Variants in ARHGEF10L observed in about 807,000 individuals in gnomAD.
The protein encoded by ARHGEF10L is Rho guanine nucleotide exchange factor 10 like, also known as rho guanine nucleotide exchange factor 10-like protein.
A neutral mutation model predicts 141.2 loss-of-function variants in ARHGEF10L; 69 were observed. The ratio of observed to expected loss-of-function variants is 0.49; its 90% CI spans 0.40 to 0.60. The LOEUF is 0.60. Ranked by LOEUF, ARHGEF10L falls within the 20% of genes least tolerant of loss-of-function variation. The pLI, the probability that ARHGEF10L is intolerant of heterozygous loss-of-function variation, is 0.00. For missense variants in ARHGEF10L, 1,482 were observed against 1,734.3 expected (o/e 0.85, Z 2.58); for synonymous variants, 711 against 718.5 (o/e 0.99, Z 0.17).
chr1:17,686,198 C>T (rs2064580031), intron 26 of ARHGEF10L, among the ~76,000 whole-genome samples: 1 of 151,518 alleles, frequency 6.6e-6, no homozygotes, highest in South Asian at 2.1e-4. Context: ...GAGGACAGTA[C>T]AGAGCTGGAT....
In ARHGEF10L at chr1:17,615,967, G is replaced by A. The variant is rs950424517; in HGVS notation, c.727-127G>A. 46 of 739,934 alleles carry A rather than the reference G, an allele frequency of 6.2e-5. No individual in the cohort carries two copies. The highest frequency in any genetic ancestry group is 4.6e-4 in the African/African-American group (26 of 57,134). The allele number at this position is 739,934 out of a possible 1,614,324, so 45.8% of individuals were successfully genotyped here. On this transcript the variant is annotated intron_variant, in intron 8 of 28. Coordinates refer to ENST00000361221, the MANE Select transcript of ARHGEF10L (RefSeq NM_018125.4). The surrounding 1 kb of genome is among the most constrained non-coding windows in gnomAD (Gnocchi z 4.7). ...ACTGTCGTCCTTGGCCTTTGCTCACGGACCTGGGAGGGAAGGGTCTGGGTG... is the reference window on the plus strand; with the variant it reads ...ACTGTCGTCCTTGGCCTTTGCTCACAGACCTGGGAGGGAAGGGTCTGGGTG...
chr1:17,651,729 C>G (rs2061948778), intron 22 of ARHGEF10L, among the ~76,000 whole-genome samples: 1 of 152,192 alleles, frequency 6.6e-6, no homozygotes, highest in Admixed American at 6.5e-5. Context: ...TCCTGCTGGC[C>G]CCGGCTCACT....
At chr1:17,526,399 A>T in the ARHGEF10L span, among the ~76,000 whole-genome samples, 3 of 152,128 alleles carry the variant, frequency 2.0e-5, no homozygotes, top group Non-Finnish European at 4.4e-5. Flanking sequence ...TTAGTGGAAA[A>T]ATTTGGACTT....
chr1:17,647,064 C>T (rs2061648784), intron 21 of ARHGEF10L, among the ~76,000 whole-genome samples: 1 of 152,040 alleles, frequency 6.6e-6, no homozygotes, highest in Admixed American at 6.5e-5. Context: ...TGACCTGGCG[C>T]CTCCTAGGGG....
intron 20 of ARHGEF10L, among the ~76,000 whole-genome samples, 177 bp downstream of exon 20, chr1:17,638,866 T>C (rs960687281): frequency 7.9e-5 from 12 of 152,288 alleles, no homozygotes; most frequent in Admixed American, 2.0e-4. Flanking sequence ...TAGGTGCTCA[T>C]GAAAAGACTG....
chr1:17,650,600 G>A (rs1020521301), intron 22 of ARHGEF10L, among the ~76,000 whole-genome samples: 2 of 152,010 alleles, frequency 1.3e-5, no homozygotes, highest in Non-Finnish European at 2.9e-5. Context: ...GAGCTTGATG[G>A]TGCACACCTG....
chr1:17,572,170 A>C (rs541316088), intron 1 of ARHGEF10L, among the ~76,000 whole-genome samples: 1 of 152,316 alleles, frequency 6.6e-6, no homozygotes, highest in Admixed American at 6.5e-5. Flanking sequence ...TGCGGGGGTC[A>C]GTCCACCCGA....
rs955667024 is a variant in ARHGEF10L at position 17,671,745 on chromosome 1, C to A, written c.3009+7150C>A. On this transcript the variant is annotated intron_variant, in intron 26 of 28. Coordinates refer to ENST00000361221, the MANE Select transcript of ARHGEF10L (RefSeq NM_018125.4). Reference sequence around the variant, plus strand: ...ACCATTTCACCTCCTACATACACCACAGCTACATGCTGACATCCTGGGGCC... The same window carrying A: ...ACCATTTCACCTCCTACATACACCAAAGCTACATGCTGACATCCTGGGGCC... Among the ~76,000 whole-genome samples, 10 of 152,344 alleles carry A rather than the reference C, an allele frequency of 6.6e-5. No homozygotes were observed. The East Asian group carries it at 1.7e-3, about 27-fold the overall frequency.
chr1:17,681,053 G>A (rs909420581), intron 26 of ARHGEF10L, among the ~76,000 whole-genome samples: 2 of 152,060 alleles, frequency 1.3e-5, no homozygotes, highest in Admixed American at 6.5e-5. Flanking sequence ...GATTACAGGC[G>A]TGAGCCACTA....
chr1:17,633,419 C>T (rs942502889), intron 16 of ARHGEF10L, among the ~76,000 whole-genome samples: 1 of 152,226 alleles, frequency 6.6e-6, no homozygotes, highest in Non-Finnish European at 1.5e-5. Context: ...TCTCGGTTCA[C>T]TGCAACCTCT....
chr1:17,530,667 C>A, the ARHGEF10L span, among the ~76,000 whole-genome samples: 2 of 152,146 alleles, frequency 1.3e-5, no homozygotes, highest in Non-Finnish European at 2.9e-5. Context: ...TGACCTCAGG[C>A]AGGCTGCTTA....
At chr1:17,556,272 C>CGG (rs1312629654) in intron 1 of ARHGEF10L, among the ~76,000 whole-genome samples, 1 of 6,656 alleles carries the variant, frequency 1.5e-4, no homozygotes, top group Non-Finnish European at 3.7e-4. Flanking sequence ...AGCATGGCGG[C>CGG]GGGGGGGGGG....
intron 4 of ARHGEF10L, among the ~76,000 whole-genome samples, chr1:17,593,564 G>T (rs2079788359): frequency 6.6e-6 from 1 of 152,216 alleles, no homozygotes; most frequent in African/African-American, 2.4e-5. Flanking sequence ...ATGGAGGACG[G>T]GATTGTGACC....
chr1:17,645,699 A>G (rs1210384639), intron 21 of ARHGEF10L, among the ~76,000 whole-genome samples: 2 of 152,230 alleles, frequency 1.3e-5, no homozygotes, highest in Non-Finnish European at 2.9e-5. Flanking sequence ...AGAGGCTAGG[A>G]GAGCCGTGCT....
At chr1:17,515,136 T>C in the ARHGEF10L span, among the ~76,000 whole-genome samples, 4 of 152,104 alleles carry the variant, frequency 2.6e-5, no homozygotes, top group Admixed American at 6.6e-5. Flanking sequence ...TGAACAAGGG[T>C]CCTCAATGGG....
At chr1:17,592,423 G>A (rs1263147391) in intron 4 of ARHGEF10L, among the ~76,000 whole-genome samples, 2 of 152,138 alleles carry the variant, frequency 1.3e-5, no homozygotes, top group Non-Finnish European at 2.9e-5. Context: ...TGTACTGCCT[G>A]TTGGCTAGTG....
intron 21 of ARHGEF10L, among the ~76,000 whole-genome samples, chr1:17,642,585 G>A (rs1026715011): frequency 6.6e-6 from 1 of 152,138 alleles, no homozygotes; most frequent in South Asian, 2.1e-4. Context: ...GAATGGGGAG[G>A]GGTTGCCTGT....
chr1:17,603,123 A>C lies in ARHGEF10L; in HGVS notation c.350-385A>C, dbSNP rs1211388863. On this transcript the variant is annotated intron_variant, in intron 5 of 28. Transcript: ENST00000361221. This position sits in a 1 kb window ranked among gnomAD's most constrained non-coding sequence, Gnocchi z 4.8. Reference sequence around the variant, plus strand: ...GGGGGCTGGTTTTCCAAGTCCTAGCACTGCTCAGTGACGAGGGTCTAGCCC... The same window carrying C: ...GGGGGCTGGTTTTCCAAGTCCTAGCCCTGCTCAGTGACGAGGGTCTAGCCC... Among the ~76,000 whole-genome samples the C allele has an allele frequency of 1.3e-5, 2 of 151,730 alleles. No individual in the cohort carries two copies. The highest frequency in any genetic ancestry group is 4.8e-5 in the African/African-American group (2 of 41,248).
At chr1:17,645,774 C>T (rs2061564210) in intron 21 of ARHGEF10L, among the ~76,000 whole-genome samples, 1 of 152,252 alleles carries the variant, frequency 6.6e-6, no homozygotes. Context: ...TCCTTGGCAT[C>T]TGGATCTTCC....
Sources: gnomAD v4.1 joint callset for allele counts (sites outside exome capture counted in the v4.1 genomes callset) on GRCh38, gnomAD v4.1.1 for gene constraint, Gnocchi (gnomAD v3.1) non-coding constraint, MANE v1.5 for transcripts, NCBI Gene and HGNC (gene_info 2026-07-23, HGNC 2026-07-21) for gene names.